ANKS1B: variants seen among roughly 807,000 people sequenced by gnomAD.
ANKS1B encodes the protein ankyrin repeat and sterile alpha motif domain-containing protein 1B.
In ANKS1B, 36 loss-of-function variants were observed where a neutral mutation model predicts 148.3. That is an observed-to-expected ratio of 0.24 (90% confidence interval 0.19 to 0.32). The LOEUF (loss-of-function observed/expected upper bound fraction) is 0.32. ANKS1B is among the 10% of genes least tolerant of loss of function. The probability of loss-of-function intolerance (pLI) is 1.00; values close to 1 mark genes in which losing one functional copy is unlikely to be tolerated. For missense variants in ANKS1B, 1,157 were observed against 1,542.6 expected (o/e 0.75, Z 4.19); for synonymous variants, 542 against 560.8 (o/e 0.97, Z 0.47).
chr12:99,304,039 T>C (rs961162230), intron 12 of ANKS1B, among the ~76,000 whole-genome samples: 5 of 152,152 alleles, frequency 3.3e-5, no homozygotes, highest in African/African-American at 1.2e-4. Flanking sequence ...GTTGGTTCCA[T>C]ATTTTTGTGA....
intron 10 of ANKS1B, among the ~76,000 whole-genome samples, chr12:99,457,957 A>T (rs1230725383): frequency 6.6e-6 from 1 of 152,128 alleles, no homozygotes; most frequent in Non-Finnish European, 1.5e-5. Flanking sequence ...ATTCTACCCA[A>T]CAACTGCAGA....
At chr12:98,768,984 C>T (rs761960971) in intron 25 of ANKS1B, among the ~76,000 whole-genome samples, 3 of 152,004 alleles carry the variant, frequency 2.0e-5, no homozygotes, top group Non-Finnish European at 4.4e-5. Context: ...CTAGACATCA[C>T]TGAATTTTCT....
chr12:99,053,159 T>C lies in ANKS1B; in HGVS notation c.2776A>G (p.Asn926Asp), dbSNP rs1599060791. ...GTGTCACTAAGAGACCAACTTACAT[T>C]AATAAGTTCAACCTCCCAGATTTTT... ...LKKIWEVELINVLKINLIGHR... is the reference protein window; with the variant it reads ...LKKIWEVELIDVLKINLIGHR... The change falls in exon 17 of 27, where the codon AAT becomes GAT. Residue 926 changes from asparagine to aspartate, a missense_variant and splice_region_variant. Physicochemically the swap from Asn to Asp is conservative, Grantham distance 23 (BLOSUM62 1). Transcript: ENST00000683438. 1 of 1,604,580 alleles carries C rather than the reference T, an allele frequency of 6.2e-7. No homozygotes were observed. Among genetic ancestry groups the C allele is most frequent in the East Asian group, 2.2e-5 (1 of 44,662 alleles).
intron 17 of ANKS1B, among the ~76,000 whole-genome samples, chr12:98,882,486 T>C (rs2099710585): frequency 6.6e-6 from 1 of 152,208 alleles, no homozygotes; most frequent in South Asian, 2.1e-4. Context: ...TAGCTATTGC[T>C]GCTTTGCTAG....
intron 1 of ANKS1B, among the ~76,000 whole-genome samples, chr12:99,898,953 A>G (rs1399507210): frequency 6.6e-6 from 1 of 152,216 alleles, no homozygotes; most frequent in Non-Finnish European, 1.5e-5. Flanking sequence ...CTGGAGATCA[A>G]TGAGTCTAGT....
intron 1 of ANKS1B, among the ~76,000 whole-genome samples, chr12:99,863,634 G>GCCTGC (rs1236778084): frequency 2.6e-5 from 4 of 151,914 alleles, no homozygotes; most frequent in African/African-American, 9.7e-5. Flanking sequence ...AGAATTGCTT[G>GCCTGC]AACCCAGGAG....
At chr12:99,843,506 T>C (rs2086108069) in intron 1 of ANKS1B, among the ~76,000 whole-genome samples, 1 of 152,068 alleles carries the variant, frequency 6.6e-6, no homozygotes. Flanking sequence ...GAACATGTGG[T>C]ATTTGATTTT....
intron 1 of ANKS1B, among the ~76,000 whole-genome samples, chr12:99,918,966 A>C (rs138302211): frequency 9.8e-5 from 15 of 152,316 alleles, no homozygotes; most frequent in African/African-American, 3.4e-4. Flanking sequence ...TCAAGGTAAC[A>C]GTTGCCAGTG....
chr12:99,614,034 T>C (rs989917772), intron 9 of ANKS1B, among the ~76,000 whole-genome samples: 3 of 151,996 alleles, frequency 2.0e-5, no homozygotes, highest in African/African-American at 7.2e-5. Context: ...TTTTTCACCT[T>C]GCATATTAAC....
At chr12:99,040,052 G>A (rs993408705) in intron 17 of ANKS1B, among the ~76,000 whole-genome samples, 36 of 152,142 alleles carry the variant, frequency 2.4e-4, no homozygotes, top group Non-Finnish European at 5.3e-4. Flanking sequence ...GGGGACTGCG[G>A]GAAAAAGGAT....
At chr12:99,596,308 T>C (rs781601358) in intron 9 of ANKS1B, among the ~76,000 whole-genome samples, 1 of 151,794 alleles carries the variant, frequency 6.6e-6, no homozygotes, top group Non-Finnish European at 1.5e-5. Context: ...CAATCCTTGG[T>C]GTTCCTTGGC....
intron 16 of ANKS1B, among the ~76,000 whole-genome samples, chr12:99,060,953 A>G (rs1599218986): frequency 6.6e-6 from 1 of 152,324 alleles, no homozygotes; most frequent in Non-Finnish European, 1.5e-5. Context: ...TAGAATTATG[A>G]TATTGGCATG....
chr12:99,305,450 C>G (rs540206856), intron 12 of ANKS1B, among the ~76,000 whole-genome samples: 2 of 152,012 alleles, frequency 1.3e-5, no homozygotes, highest in Admixed American at 6.6e-5. Flanking sequence ...AATATTGTTT[C>G]CCTAGCATAA....
chr12:99,802,157 A>G (rs2067028708), intron 4 of ANKS1B, among the ~76,000 whole-genome samples: 1 of 152,220 alleles, frequency 6.6e-6, no homozygotes, highest in African/African-American at 2.4e-5. Flanking sequence ...AACAGCTCTT[A>G]GCATGGAAAC....
chr12:99,608,936 T>G (rs2097875146), intron 9 of ANKS1B, among the ~76,000 whole-genome samples: 1 of 151,908 alleles, frequency 6.6e-6, no homozygotes, highest in South Asian at 2.1e-4. Flanking sequence ...ACAAGGAGGA[T>G]ACAGGAGCAG....
intron 24 of ANKS1B, among the ~76,000 whole-genome samples, chr12:98,777,931 C>T (rs1014127905): frequency 1.3e-5 from 2 of 152,280 alleles, no homozygotes; most frequent in African/African-American, 4.8e-5. Flanking sequence ...GCACTTCAAA[C>T]TAATTTGTGG....
chr12:99,773,942 T>A (rs1253342045), intron 7 of ANKS1B, among the ~76,000 whole-genome samples: 1 of 152,102 alleles, frequency 6.6e-6, no homozygotes, highest in African/African-American at 2.4e-5. Context: ...GGAAAGTGGA[T>A]AGCCACATGC....
intron 17 of ANKS1B, among the ~76,000 whole-genome samples, chr12:98,968,816 A>G (rs1467949396): frequency 6.6e-6 from 1 of 152,216 alleles, no homozygotes. Context: ...TTTCCAGACC[A>G]GGAAAAAATA....
At chr12:98,945,146 GA>G in intron 17 of ANKS1B, among the ~76,000 whole-genome samples, 1 of 152,046 alleles carries the variant, frequency 6.6e-6, no homozygotes, top group Non-Finnish European at 1.5e-5. Flanking sequence ...TCAGATTCCA[GA>G]TTTCATGTCC....
Sources: allele counts gnomAD v4.1 joint callset (sites outside exome capture counted in the v4.1 genomes callset), GRCh38; gene constraint gnomAD v4.1.1; transcripts MANE v1.5; gene names NCBI Gene and HGNC (gene_info 2026-07-23, HGNC 2026-07-21).